The following HSPA4L variants were observed in gnomAD, a reference collection of about 807,000 sequenced individuals.
HSPA4L encodes heat shock 70 kDa protein 4L.
Under a neutral mutation model 100.3 loss-of-function variants are expected in HSPA4L, and 48 were observed. The observed-to-expected ratio is 0.48, with a 90% CI of 0.38 to 0.61. The LOEUF (loss-of-function observed/expected upper bound fraction) is 0.61. Among genes scored for constraint, HSPA4L ranks in the 20% least tolerant of loss-of-function variants. The pLI is 0.00. For synonymous variants in HSPA4L, 319 were observed against 328.2 expected (o/e 0.97, Z 0.30); for missense variants, 886 against 988.6 (o/e 0.90, Z 1.39).
chr4:127,782,515 G>C lies in HSPA4L; in HGVS notation c.-36G>C, dbSNP rs769069260. 3 of 1,525,726 alleles carry C rather than the reference G, an allele frequency of 2.0e-6. No homozygotes were observed. The highest frequency in any genetic ancestry group is 2.7e-5 in the African/African-American group (2 of 73,244). The allele number at this position is 1,525,726 out of a possible 1,614,324, so 94.5% of individuals were successfully genotyped here. On this transcript the variant is annotated 5_prime_UTR_variant, in exon 1 of 19. Transcript: ENST00000296464. ...AGAGGACACGGTTCCCGTACCGAAG[G>C]GTTCAGTACCAGCAGCCCGACCATC...
At position 127,827,317 on chromosome 4, in the gene HSPA4L, C is replaced by T; in HGVS notation, c.2059C>T (p.Pro687Ser). ...KLQELKKYGQ[P>S]IQMKYMEHEE... ...CTTATGTTAACAGAAATACGGCCAG[C>T]CTATTCAAATGAAGTACATGGAGCA... Residue 687 changes from proline (P) to serine (S), a missense_variant, in exon 17 of 19, where the codon CCT (proline) becomes TCT (serine). Coordinates refer to ENST00000296464, the MANE Select transcript of HSPA4L (RefSeq NM_014278.4). 2.5e-6 allele frequency: 4 copies of T among 1,609,934 alleles called. No individual in the cohort carries two copies. In the Middle Eastern group the frequency reaches 5.0e-4, roughly 200 times the overall value.
At chr4:127,800,131 C>T (rs976426792) in intron 4 of HSPA4L, among the ~76,000 whole-genome samples, 15 of 152,074 alleles carry the variant, frequency 9.9e-5, no homozygotes, top group South Asian at 2.1e-4. Context: ...CATCTTTATA[C>T]ATTTTAAGAC....
intron 4 of HSPA4L, 100 bp downstream of exon 4, chr4:127,798,809 C>T: frequency 8.9e-7 from 1 of 1,127,708 alleles, no homozygotes; most frequent in South Asian, 1.7e-5. Flanking sequence ...CTGCCCTTAT[C>T]CAGTAAATAA....
intron 8 of HSPA4L, 43 bp downstream of exon 8, chr4:127,804,130 T>G: frequency 6.7e-7 from 1 of 1,482,734 alleles, no homozygotes; most frequent in African/African-American, 1.4e-5. Flanking sequence ...ACCATAATGT[T>G]GCCTACTTAG....
intron 1 of HSPA4L, among the ~76,000 whole-genome samples, chr4:127,789,831 T>A (rs1732824667): frequency 6.6e-6 from 1 of 152,242 alleles, no homozygotes; most frequent in Non-Finnish European, 1.5e-5. Context: ...TTTCCCTTGC[T>A]ATTACTAATA....
intron 3 of HSPA4L, among the ~76,000 whole-genome samples, chr4:127,796,120 A>G (rs1733015494): frequency 6.6e-6 from 1 of 152,128 alleles, no homozygotes; most frequent in South Asian, 2.1e-4. Context: ...TCAAGGAAAA[A>G]AGTGGTTATT....
At chr4:127,809,422 ACT>A (rs1367981422) in intron 11 of HSPA4L, 4 of 1,252,876 alleles carry the variant, frequency 3.2e-6, no homozygotes, top group South Asian at 1.2e-5. Flanking sequence ...ATAACTCAAG[ACT>A]CTGCATTTGG....
At chr4:127,813,225 G>C in intron 12 of HSPA4L, 1 of 1,044,828 alleles carries the variant, frequency 9.6e-7, no homozygotes, top group Non-Finnish European at 1.5e-6. Flanking sequence ...GGAAGATGGC[G>C]GTTCCAGCCG....
At chr4:127,784,776 A>C (rs1732667138) in intron 1 of HSPA4L, among the ~76,000 whole-genome samples, 1 of 152,276 alleles carries the variant, frequency 6.6e-6, no homozygotes, top group Admixed American at 6.5e-5. Flanking sequence ...CCATCAATTC[A>C]ACACCGATCA....
rs35793506 is a variant in HSPA4L at position 127,804,033 on chromosome 4, G to A, written c.931G>A (p.Ala311Thr). ...CAGGGCTCAATTTGAACAACTGTGT[G>A]CTTCCCTTTTGGCCAGGGTTGAACC... ...MNRAQFEQLC[A>T]SLLARVEPPL... The change falls in exon 8 of 19, where the codon GCT becomes ACT. Residue 311 changes from alanine to threonine, a missense_variant. By Grantham distance (58) the Ala-to-Thr change is moderately conservative. Transcript: ENST00000296464. 135 of 1,614,052 alleles carry A rather than the reference G, an allele frequency of 8.4e-5. No individual in the cohort carries two copies. In the African/African-American group the frequency reaches 1.5e-3, roughly 18 times the overall value.
chr4:127,800,388 A>G (rs1298490544), intron 4 of HSPA4L, among the ~76,000 whole-genome samples: 4 of 152,120 alleles, frequency 2.6e-5, no homozygotes. Context: ...GGATTGCTTG[A>G]GCCCAGGAGT....
chr4:127,793,253 A>G (rs567666947), intron 1 of HSPA4L, among the ~76,000 whole-genome samples: 1 of 152,312 alleles, frequency 6.6e-6, no homozygotes, highest in South Asian at 2.1e-4. Flanking sequence ...TCCTAATTCA[A>G]GAAGTCACCT....
chr4:127,783,511 A>G (rs1732628186), intron 1 of HSPA4L: 1 of 1,479,528 alleles, frequency 6.8e-7, no homozygotes, highest in Non-Finnish European at 8.9e-7. Flanking sequence ...TGTCATGGAA[A>G]CATGTTTCCA....
In HSPA4L at chr4:127,808,044, C is replaced by T; in HGVS notation, c.1293C>T (p.Val431=). 6.2e-7 allele frequency: 1 copy of T among 1,612,780 alleles called. No individual in the cohort carries two copies. Among genetic ancestry groups the T allele is most frequent in the Non-Finnish European group, 8.5e-7 (1 of 1,179,144 alleles). Residue 431 remains valine, a synonymous_variant, in exon 11 of 19, where the codon GTC becomes GTT. Transcript: ENST00000296464. ...ACCATCCTGCCCCATTCTCAAAAGT[C>T]ATTACTTTCCACAAGAAGGAACCAT... ...CKNHPAPFSK[V]ITFHKKEPFE... is the part of the protein sequence containing the mutation.
At position 127,805,095 on chromosome 4, in the gene HSPA4L, T is replaced by C. The variant is rs1027662178; in HGVS notation, c.1008T>C (p.Ser336=). 3.1e-5 allele frequency: 50 copies of C among 1,610,102 alleles called. No homozygotes were observed. Among genetic ancestry groups the C allele is most frequent in the Non-Finnish European group, 4.2e-5 (49 of 1,178,020 alleles). The change falls in exon 9 of 19, where the codon AGT becomes AGC. Residue 336 remains serine (S), a synonymous_variant. Coordinates refer to ENST00000296464, the MANE Select transcript of HSPA4L (RefSeq NM_014278.4). The part of the protein sequence containing the change: ...EQANLQREDI[S]SIEIVGGATR... ...CAGACTTACAACGTGAAGACATTAG[T>C]AGTATAGAAATTGTAGGAGGAGCAA...
At chr4:127,818,277 C>A (rs1014204513) in intron 12 of HSPA4L, 48 bp from the exon 13 acceptor site, 4 of 1,326,146 alleles carry the variant, frequency 3.0e-6, no homozygotes, top group Non-Finnish European at 3.2e-6. Flanking sequence ...ATTTTTAAAA[C>A]AAAAAAAAGA....
intron 16 of HSPA4L, among the ~76,000 whole-genome samples, chr4:127,825,048 G>A (rs1337060203): frequency 6.6e-6 from 1 of 151,970 alleles, no homozygotes; most frequent in East Asian, 1.9e-4. Flanking sequence ...GCTGAGGCAG[G>A]AGAATGGCGT....
At position 127,795,837 on chromosome 4, in the gene HSPA4L, A is replaced by C; in HGVS notation, c.235A>C (p.Ile79Leu). The change falls in exon 3 of 19, where the codon ATT becomes CTT. Residue 79 changes from isoleucine to leucine, a missense_variant. By Grantham distance (5) the Ile-to-Leu change is conservative. Transcript: ENST00000296464. ...TCATGGGCGATCATTTGATGATCCC[A>C]TTGTGCAAACTGAAAGGATCAGGCT... The part of the protein sequence containing the change: ...KLHGRSFDDP[I>L]VQTERIRLPY... 6.2e-7 allele frequency: 1 copy of C among 1,613,734 alleles called. No homozygotes were observed. Among genetic ancestry groups the C allele is most frequent in the South Asian group, 1.1e-5 (1 of 91,050 alleles).
At chr4:127,806,459 A>G (rs1038801987) in intron 10 of HSPA4L, among the ~76,000 whole-genome samples, 1 of 151,988 alleles carries the variant, frequency 6.6e-6, no homozygotes, top group African/African-American at 2.4e-5. Context: ...AATATTTGCA[A>G]ATTATTCACT....
Sources: allele counts gnomAD v4.1 joint callset (sites outside exome capture counted in the v4.1 genomes callset), GRCh38; gene constraint gnomAD v4.1.1; transcripts MANE v1.5; gene names NCBI Gene and HGNC (gene_info 2026-07-23, HGNC 2026-07-21).